RNFT2: variants seen among roughly 807,000 people sequenced by gnomAD.
The protein encoded by RNFT2 is ring finger protein, transmembrane 2.
In RNFT2, 36 loss-of-function variants were observed where a neutral mutation model predicts 53.0. The ratio of observed to expected loss-of-function variants is 0.68; its 90% CI spans 0.52 to 0.90. The LOEUF is 0.90. Among genes scored for constraint, RNFT2 ranks in the 40% least tolerant of loss-of-function variants. RNFT2 has a pLI of 0.00. For synonymous variants in RNFT2, 260 were observed against 253.2 expected (o/e 1.03, Z -0.26); for missense variants, 514 against 585.6 (o/e 0.88, Z 1.26).
intron 7 of RNFT2, among the ~76,000 whole-genome samples, chr12:116,789,993 T>TGG (rs1874160447): frequency 1.3e-5 from 2 of 151,564 alleles, no homozygotes; most frequent in Non-Finnish European, 2.9e-5. Context: ...GATGGATGGA[T>TGG]AGTCTAATCA....
At chr12:116,760,740 G>T (rs1161988196) in intron 5 of RNFT2, among the ~76,000 whole-genome samples, 1 of 152,092 alleles carries the variant, frequency 6.6e-6, no homozygotes, top group Non-Finnish European at 1.5e-5. Context: ...GAGTCTGTGG[G>T]TCCTCTCGGG....
intron 7 of RNFT2, among the ~76,000 whole-genome samples, chr12:116,816,881 T>C (rs1454725789): frequency 6.6e-6 from 1 of 152,194 alleles, no homozygotes; most frequent in East Asian, 1.9e-4. Context: ...GAACTGCTAG[T>C]TTCTTAGAAA....
At chr12:116,820,957 C>T (rs1875982515) in intron 7 of RNFT2, among the ~76,000 whole-genome samples, 1 of 152,134 alleles carries the variant, frequency 6.6e-6, no homozygotes, top group South Asian at 2.1e-4. Context: ...CTTGCTGGGT[C>T]TCCCACTCTG....
In RNFT2 at chr12:116,852,720, G is replaced by T; in HGVS notation, c.*3272G>T. The T allele has an allele frequency of 6.2e-7, 1 of 1,613,166 alleles. No homozygotes were observed. The highest frequency in any genetic ancestry group is 8.5e-7 in the Non-Finnish European group (1 of 1,179,140). On this transcript the variant is annotated 3_prime_UTR_variant, in exon 11 of 11. Transcript: ENST00000257575. ...GAAAGTGCAGGTGTGTAAGGAAATAGAACAGTCTGCTGGGAGTCAGACCTG... is the reference window on the plus strand; with the variant it reads ...GAAAGTGCAGGTGTGTAAGGAAATATAACAGTCTGCTGGGAGTCAGACCTG...
At chr12:116,793,210 C>CT (rs35482097) in intron 7 of RNFT2, among the ~76,000 whole-genome samples, 92,371 of 120,756 alleles carry the variant, frequency 0.76, 37,046 homozygotes, top group Non-Finnish European at 0.89. Flanking sequence ...ATCCAGATAG[C>CT]TTTTTTTTTT....
chr12:116,744,054 C>T (rs1390084865), intron 3 of RNFT2, among the ~76,000 whole-genome samples: 1 of 151,962 alleles, frequency 6.6e-6, no homozygotes, highest in Non-Finnish European at 1.5e-5. Context: ...TGCTGAAACC[C>T]CATCTCTACT....
chr12:116,740,032 C>A (rs2137057958), intron 1 of RNFT2, among the ~76,000 whole-genome samples: 1 of 152,188 alleles, frequency 6.6e-6, no homozygotes, highest in South Asian at 2.1e-4. Context: ...ATGGTGAAAT[C>A]CCATCTCTAC....
intron 7 of RNFT2, among the ~76,000 whole-genome samples, chr12:116,809,830 G>A (rs925615880): frequency 2.6e-5 from 4 of 151,904 alleles, no homozygotes; most frequent in Admixed American, 1.3e-4. Context: ...CCACCACCAC[G>A]CTCAGCTAAT....
chr12:116,750,788 T>G (rs1257822582), intron 4 of RNFT2, among the ~76,000 whole-genome samples: 1 of 109,232 alleles, frequency 9.2e-6, no homozygotes, highest in African/African-American at 3.8e-5. Context: ...TTTTACTATA[T>G]GTGTGTGTGT....
At chr12:116,834,013 CT>C (rs1422087537) in intron 8 of RNFT2, 72 bp downstream of exon 8, 1 of 1,373,412 alleles carries the variant, frequency 7.3e-7, no homozygotes, top group Non-Finnish European at 9.6e-7. Context: ...CAGGGGGCTC[CT>C]GGGCAACCTA....
rs536434504 is a variant in RNFT2 at position 116,790,771 on chromosome 12, A to G, written c.882+11423A>G. Among the ~76,000 whole-genome samples, 205 of 152,324 alleles carry G rather than the reference A, an allele frequency of 1.3e-3. 1 individual carries two copies. The highest frequency in any genetic ancestry group is 4.7e-3 in the African/African-American group (195 of 41,566). On this transcript the variant is annotated intron_variant, in intron 7 of 10. Coordinates refer to ENST00000257575, the MANE Select transcript of RNFT2 (RefSeq NM_001382266.1). ...CAGGAGTTCAATACCAGCTTGGGCA[A>G]CATGGTGAAACCCTGTCTCCACCAA...
intron 7 of RNFT2, among the ~76,000 whole-genome samples, chr12:116,817,428 G>C (rs1875743837): frequency 6.6e-6 from 1 of 152,194 alleles, no homozygotes; most frequent in South Asian, 2.1e-4. Context: ...GGGATTACAG[G>C]CATGAGCCAC....
chr12:116,831,597 C>T (rs1565873036), intron 7 of RNFT2, among the ~76,000 whole-genome samples: 1 of 151,686 alleles, frequency 6.6e-6, no homozygotes, highest in Non-Finnish European at 1.5e-5. Flanking sequence ...CATCTTTGCA[C>T]CTATCTCTGA....
In RNFT2 at chr12:116,806,656, G is replaced by A. The variant is rs1592970207; in HGVS notation, c.883-27136G>A. 1.3e-5 allele frequency among the ~76,000 whole-genome samples: 2 copies of A among 150,150 alleles called. 1 individual carries two copies. The highest frequency in any genetic ancestry group is 4.0e-4 in the East Asian group (2 of 5,006). ...AGTCCCAGCTACTCGGGAGACTGAG[G>A]ATCCCTTGAGCCTGAGAGTTCGAGG... On this transcript the variant is annotated intron_variant, in intron 7 of 10. Transcript: ENST00000257575.
intron 7 of RNFT2, among the ~76,000 whole-genome samples, chr12:116,822,109 AC>A (rs1436012803): frequency 3.9e-5 from 6 of 152,054 alleles, no homozygotes; most frequent in African/African-American, 1.2e-4. Flanking sequence ...TGCTGGAGTT[AC>A]AGGTGTGAGC....
rs1250359544 is a variant in RNFT2 at position 116,806,381 on chromosome 12, AAT to A, written c.882+27051_882+27052del. Among the ~76,000 whole-genome samples, 522 of 133,432 alleles carry A rather than the reference AAT, an allele frequency of 3.9e-3. 3 individuals are homozygous for A. Among genetic ancestry groups the A allele is most frequent in the African/African-American group, 0.012 (372 of 30,980 alleles). 87.5% of individuals were successfully genotyped at this position (133,432 alleles called of 152,430 possible). ...TGAGACTGTCTCAAAAAAAAAAAAA[AAT>A]ATATATATATATATATAGATAGATA... On this transcript the variant is annotated intron_variant, in intron 7 of 10. Transcript: ENST00000257575.
At chr12:116,766,706 T>C in intron 5 of RNFT2, 108 bp from the exon 6 acceptor site, 1 of 830,430 alleles carries the variant, frequency 1.2e-6, no homozygotes, top group Non-Finnish European at 1.9e-6. Context: ...TCAGCACCAC[T>C]TCCTTCAAAA....
At position 116,831,189 on chromosome 12, in the gene RNFT2, G is replaced by A. The variant is rs148356725; in HGVS notation, c.883-2603G>A. 3.1e-3 allele frequency among the ~76,000 whole-genome samples: 300 copies of A among 95,424 alleles called. 2 individuals are homozygous for A. The highest frequency in any genetic ancestry group is 9.1e-3 in the African/African-American group (288 of 31,592). 62.6% of individuals were successfully genotyped at this position (95,424 alleles called of 152,430 possible). On this transcript the variant is annotated intron_variant, in intron 7 of 10. Transcript: ENST00000257575. ...AGCCTGGACAACACAGCATGACCTC[G>A]TCTCTCTACAAAAAAAAAAAAGAGA...
At chr12:116,802,713 T>C (rs1479082019) in intron 7 of RNFT2, among the ~76,000 whole-genome samples, 1 of 152,200 alleles carries the variant, frequency 6.6e-6, no homozygotes, top group African/African-American at 2.4e-5. Flanking sequence ...ATTTTGGACT[T>C]CTGGCCTCCA....
Sources: allele counts gnomAD v4.1 joint callset (sites outside exome capture counted in the v4.1 genomes callset), GRCh38; gene constraint gnomAD v4.1.1; transcripts MANE v1.5; gene names NCBI Gene and HGNC (gene_info 2026-07-23, HGNC 2026-07-21).